The following DUSP29 variants were observed in gnomAD, a reference collection of about 807,000 sequenced individuals.
The protein encoded by DUSP29 is atypical dual-specific protein phosphatase.
DUSP29 carries 12 observed loss-of-function variants against 13.5 expected under a neutral mutation model. The ratio of observed to expected loss-of-function variants is 0.89; its 90% CI spans 0.57 to 1.44. The LOEUF (loss-of-function observed/expected upper bound fraction) is 1.44, where lower values mean the gene tolerates loss of function less well. Among genes scored for constraint, DUSP29 ranks in the 40% most tolerant of loss-of-function variants. The probability of loss-of-function intolerance (pLI) is 0.00; values close to 1 mark genes in which losing one functional copy is unlikely to be tolerated. For synonymous variants in DUSP29, 134 were observed against 128.7 expected (o/e 1.04, Z -0.28); for missense variants, 308 against 301.1 (o/e 1.02, Z -0.17).
intron 1 of DUSP29, among the ~76,000 whole-genome samples, chr10:75,061,567 G>A (rs1469704687): frequency 2.0e-5 from 3 of 152,204 alleles, no homozygotes; most frequent in African/African-American, 4.8e-5. Context: ...TGAGTCTGAC[G>A]CTTAGTAAAG....
At chr10:75,069,702 T>C (rs1426830940) in intron 1 of DUSP29, among the ~76,000 whole-genome samples, 2 of 152,078 alleles carry the variant, frequency 1.3e-5, no homozygotes, top group Non-Finnish European at 2.9e-5. Context: ...AGGGAAATGA[T>C]TGTGTTGCTT....
Position 75,047,173 on chromosome 10 carries a change from G to A in DUSP29, c.201-3156C>T, listed in dbSNP as rs183072561. Among the ~76,000 whole-genome samples the A allele has an allele frequency of 3.9e-5, 6 of 152,304 alleles. No individual in the cohort carries two copies. The East Asian group carries it at 1.2e-3, about 29-fold the overall frequency. On this transcript the variant is annotated intron_variant, in intron 2 of 3. Transcript: ENST00000338487. ...GCCCACCACAAGTTTTCAGGGTCTT[G>A]GCTCCCTGGACGGGAAGGGGAGTTG...
At chr10:75,070,075 AAGGAAGGAAG>A (rs1847294371) in intron 1 of DUSP29, among the ~76,000 whole-genome samples, 1 of 624 alleles carries the variant, frequency 1.6e-3, no homozygotes, top group African/African-American at 4.2e-3. Context: ...AGAAGAAAGG[AAGGAAGGAAG>A]GAAGGAAGGA....
At chr10:75,065,123 A>G (rs1412771211) in intron 1 of DUSP29, among the ~76,000 whole-genome samples, 1 of 152,182 alleles carries the variant, frequency 6.6e-6, no homozygotes, top group Non-Finnish European at 1.5e-5. Context: ...CTTCTTTGAC[A>G]AAAATGGAGC....
At position 75,063,711 on chromosome 10, in the gene DUSP29, C is replaced by A. The variant is rs557971172; in HGVS notation, c.-34-5163G>T. The stretch of plus-strand genomic sequence containing the variant: ...ACACCGTGCTCCCGGGAGCACCTCT[C>A]AAATAAACAACATGCACCCAAACTC... On this transcript the variant is annotated intron_variant, in intron 1 of 3. Coordinates refer to ENST00000338487, the MANE Select transcript of DUSP29 (RefSeq NM_001003892.3). Among the ~76,000 whole-genome samples the A allele has an allele frequency of 9.2e-5, 14 of 151,980 alleles. No individual in the cohort carries two copies. The South Asian group carries it at 2.9e-3, about 32-fold the overall frequency.
intron 1 of DUSP29, among the ~76,000 whole-genome samples, chr10:75,060,066 A>G (rs1284226834): frequency 1.3e-5 from 2 of 151,510 alleles, no homozygotes; most frequent in Admixed American, 6.6e-5. Context: ...AGGCTGAGGC[A>G]GGAGAATCGC....
intron 1 of DUSP29, among the ~76,000 whole-genome samples, chr10:75,064,619 A>G (rs4746257): frequency 0.11 from 16,485 of 152,202 alleles, 1,120 homozygotes; most frequent in South Asian, 0.27. Context: ...TCAGCCCCAC[A>G]AAATTCTGGG....
At chr10:75,056,536 G>A (rs950426233) in intron 2 of DUSP29, among the ~76,000 whole-genome samples, 4 of 150,876 alleles carry the variant, frequency 2.7e-5, no homozygotes, top group African/African-American at 7.3e-5. Context: ...GCGTGGTGGC[G>A]CATGCCTGTA....
chr10:75,044,500 T>C (rs533552985), intron 2 of DUSP29, among the ~76,000 whole-genome samples: 3 of 152,274 alleles, frequency 2.0e-5, no homozygotes, highest in East Asian at 1.9e-4. Context: ...TGGATTGGGA[T>C]TGGGCAAAGT....
At chr10:75,062,130 G>A (rs1373104145) in intron 1 of DUSP29, among the ~76,000 whole-genome samples, 2 of 152,208 alleles carry the variant, frequency 1.3e-5, no homozygotes, top group African/African-American at 2.4e-5. Context: ...AACGAGCCCA[G>A]ACCTTTCAGT....
intron 1 of DUSP29, among the ~76,000 whole-genome samples, chr10:75,066,958 C>CTTTT (rs61298475): frequency 2.9e-5 from 4 of 139,584 alleles, no homozygotes; most frequent in Non-Finnish European, 3.1e-5. Context: ...TTTTCTTTTT[C>CTTTT]TTTTTTTTTT....
intron 1 of DUSP29, among the ~76,000 whole-genome samples, chr10:75,070,663 C>T (rs1847309951): frequency 6.6e-6 from 1 of 151,722 alleles, no homozygotes; most frequent in South Asian, 2.1e-4. Context: ...AGCAGTTTGG[C>T]CGGGGCGGAG....
At chr10:75,062,296 C>T (rs11001270) in intron 1 of DUSP29, among the ~76,000 whole-genome samples, 51,111 of 152,046 alleles carry the variant, frequency 0.34, 9,517 homozygotes, top group East Asian at 0.73. Context: ...CATCTTGAAC[C>T]CTGCCTGCGG....
intron 2 of DUSP29, among the ~76,000 whole-genome samples, chr10:75,055,428 T>C (rs1564643184): frequency 1.3e-5 from 2 of 152,166 alleles, no homozygotes; most frequent in Non-Finnish European, 2.9e-5. Context: ...AGGAATCAAA[T>C]ACTGATACAA....
chr10:75,054,597 A>T (rs540524114), intron 2 of DUSP29, among the ~76,000 whole-genome samples: 2 of 152,222 alleles, frequency 1.3e-5, no homozygotes, highest in Non-Finnish European at 2.9e-5. Context: ...CACAATATTA[A>T]TAGGAGTATC....
chr10:75,055,868 T>C (rs1846947505), intron 2 of DUSP29, among the ~76,000 whole-genome samples: 1 of 152,196 alleles, frequency 6.6e-6, no homozygotes, highest in African/African-American at 2.4e-5. Flanking sequence ...CACAGCTAAC[T>C]ATGGATTAAT....
chr10:75,066,038 C>T (rs969251421), intron 1 of DUSP29, among the ~76,000 whole-genome samples: 2 of 152,044 alleles, frequency 1.3e-5, no homozygotes, highest in Non-Finnish European at 2.9e-5. Context: ...ATTTGAGGGT[C>T]CCTTTGATGG....
chr10:75,070,488 C>T (rs1847307192), intron 1 of DUSP29, among the ~76,000 whole-genome samples: 1 of 152,202 alleles, frequency 6.6e-6, no homozygotes, highest in Non-Finnish European at 1.5e-5. Flanking sequence ...TTGCACCTCA[C>T]TGGTTGCTGA....
At position 75,068,176 on chromosome 10, in the gene DUSP29, A is replaced by G. The variant is rs1402495135; in HGVS notation, c.-35+5393T>C. On this transcript the variant is annotated intron_variant, in intron 1 of 3. Coordinates refer to ENST00000338487, the MANE Select transcript of DUSP29 (RefSeq NM_001003892.3). ...AGAAAAGTTACCACCTTAGCATTTT[A>G]AAATACAGTAAAGGCTGGGTGCAGT... Among the ~76,000 whole-genome samples, 3 of 152,200 alleles carry G rather than the reference A, an allele frequency of 2.0e-5. No homozygotes were observed. The East Asian group carries it at 5.8e-4, about 29-fold the overall frequency.
Sources: gnomAD v4.1 joint callset for allele counts (sites outside exome capture counted in the v4.1 genomes callset) on GRCh38, gnomAD v4.1.1 for gene constraint, MANE v1.5 for transcripts, NCBI Gene and HGNC (gene_info 2026-07-23, HGNC 2026-07-21) for gene names.